The following PDE8B variants were observed in gnomAD, a reference collection of about 807,000 sequenced individuals.
The protein encoded by PDE8B is high affinity cAMP-specific and IBMX-insensitive 3',5'-cyclic phosphodiesterase 8B.
Under a neutral mutation model 101.3 loss-of-function variants are expected in PDE8B, and 26 were observed. The ratio of observed to expected loss-of-function variants is 0.26; its 90% CI spans 0.19 to 0.36. The LOEUF (loss-of-function observed/expected upper bound fraction) is 0.36, where lower values mean the gene tolerates loss of function less well. PDE8B is among the 10% of genes least tolerant of loss of function. The probability of loss-of-function intolerance (pLI) is 1.00; values close to 1 mark genes in which losing one functional copy is unlikely to be tolerated. For synonymous variants in PDE8B, 424 were observed against 429.3 expected (o/e 0.99, Z 0.15); for missense variants, 810 against 1,163.1 (o/e 0.70, Z 4.42).
the PDE8B span, among the ~76,000 whole-genome samples, chr5:77,164,408 G>C: frequency 6.6e-6 from 1 of 152,282 alleles, no homozygotes; most frequent in African/African-American, 2.4e-5. Flanking sequence ...TTCTTTTAAG[G>C]ATGATACCTT....
At chr5:77,342,263 G>C (rs1457742898) in intron 6 of PDE8B, among the ~76,000 whole-genome samples, 1 of 152,092 alleles carries the variant, frequency 6.6e-6, no homozygotes, top group Non-Finnish European at 1.5e-5. Context: ...CAAGCACTTC[G>C]AGAAATGCCT....
At chr5:77,151,654 A>T in the PDE8B span, among the ~76,000 whole-genome samples, 1 of 152,202 alleles carries the variant, frequency 6.6e-6, no homozygotes, top group South Asian at 2.1e-4. Flanking sequence ...AACACAAGGC[A>T]TGGAGAGGTT....
At chr5:77,325,467 C>A in intron 2 of PDE8B, 72 bp from the exon 3 acceptor site, 2 of 1,381,694 alleles carry the variant, frequency 1.4e-6, no homozygotes, top group Non-Finnish European at 2.1e-6. Context: ...CTGCGCCTGG[C>A]CACTAGGCTT....
intron 1 of PDE8B, among the ~76,000 whole-genome samples, chr5:77,252,320 A>G (rs1758230253): frequency 6.6e-6 from 1 of 152,214 alleles, no homozygotes; most frequent in Non-Finnish European, 1.5e-5. Flanking sequence ...TGAATCTGTT[A>G]AAATAAGAAG....
intron 12 of PDE8B, 110 bp from the exon 13 acceptor site, chr5:77,407,271 G>A: frequency 1.2e-6 from 1 of 816,316 alleles, no homozygotes; most frequent in Admixed American, 1.7e-5. Context: ...TTTTTAGGTG[G>A]GAGGGTGGCC....
At chr5:77,267,757 G>A (rs558271414) in intron 1 of PDE8B, among the ~76,000 whole-genome samples, 1 of 152,300 alleles carries the variant, frequency 6.6e-6, no homozygotes, top group East Asian at 1.9e-4. Context: ...CAGACAATGG[G>A]TAGTAATTAA....
chr5:77,240,122 G>C (rs1755451676), intron 1 of PDE8B, among the ~76,000 whole-genome samples: 1 of 151,058 alleles, frequency 6.6e-6, no homozygotes, highest in Admixed American at 6.6e-5. Context: ...TCATTCAATT[G>C]AGAGTTTTTT....
At chr5:77,378,049 C>CACACACACACACACACA (rs1554093056) in intron 10 of PDE8B, among the ~76,000 whole-genome samples, 2 of 148,364 alleles carry the variant, frequency 1.3e-5, no homozygotes, top group Admixed American at 6.7e-5. Flanking sequence ...CACACACACA[C>CACACACACACACACACA]CCCCTGTTGG....
chr5:77,333,781 C>A (rs1246334595), intron 5 of PDE8B, among the ~76,000 whole-genome samples: 2 of 152,260 alleles, frequency 1.3e-5, no homozygotes, highest in East Asian at 3.8e-4. Flanking sequence ...TTCCTTCTTA[C>A]ACATTTTACA....
chr5:77,412,298 T>C, intron 16 of PDE8B, 63 bp downstream of exon 16: 1 of 1,573,366 alleles, frequency 6.4e-7, no homozygotes, highest in Non-Finnish European at 8.7e-7. Flanking sequence ...CTCTCACATT[T>C]GGAAACTTTG....
At chr5:77,223,360 A>C in intron 1 of PDE8B, among the ~76,000 whole-genome samples, 1 of 144,830 alleles carries the variant, frequency 6.9e-6, no homozygotes, top group East Asian at 2.2e-4. Flanking sequence ...CATTAGGTAT[A>C]TCTCCTAATG....
chr5:77,367,759 G>T (rs560476063), intron 10 of PDE8B, among the ~76,000 whole-genome samples: 3 of 152,158 alleles, frequency 2.0e-5, no homozygotes, highest in Admixed American at 6.5e-5. Context: ...TCAATCTCCT[G>T]ACCTCATGAT....
intron 10 of PDE8B, among the ~76,000 whole-genome samples, chr5:77,395,496 C>G (rs1790855375): frequency 6.6e-6 from 1 of 150,646 alleles, no homozygotes; most frequent in Non-Finnish European, 1.5e-5. Flanking sequence ...TAGTTTCAAC[C>G]CTTTCAATTT....
chr5:77,329,849 G>A (rs1012126677), intron 4 of PDE8B, among the ~76,000 whole-genome samples: 1 of 152,064 alleles, frequency 6.6e-6, no homozygotes, highest in Non-Finnish European at 1.5e-5. Flanking sequence ...TGCGACAAAG[G>A]CCAGGAAAGT....
the PDE8B span, among the ~76,000 whole-genome samples, chr5:77,183,698 T>C: frequency 2.6e-5 from 4 of 152,330 alleles, no homozygotes; most frequent in African/African-American, 9.6e-5. Flanking sequence ...TCTGGGTGTC[T>C]TTTCATGTCA....
At chr5:77,410,085 T>C (rs1443101363) in intron 14 of PDE8B, among the ~76,000 whole-genome samples, 1 of 152,216 alleles carries the variant, frequency 6.6e-6, no homozygotes, top group East Asian at 1.9e-4. Flanking sequence ...GACAGGCAAG[T>C]CCCCAAACTG....
At chr5:77,273,313 C>T (rs1244401066) in intron 1 of PDE8B, among the ~76,000 whole-genome samples, 1 of 152,162 alleles carries the variant, frequency 6.6e-6, no homozygotes, top group Non-Finnish European at 1.5e-5. Flanking sequence ...TATTTCAAAT[C>T]AATTTCTTGA....
the PDE8B span, among the ~76,000 whole-genome samples, chr5:77,119,812 C>A: frequency 2.0e-5 from 3 of 151,938 alleles, no homozygotes; most frequent in Non-Finnish European, 2.9e-5. Flanking sequence ...GAGTTCGAGA[C>A]CAGCCTGGGG....
chr5:77,414,446 A>G (rs749619181), intron 17 of PDE8B, among the ~76,000 whole-genome samples: 3 of 151,932 alleles, frequency 2.0e-5, no homozygotes, highest in Non-Finnish European at 4.4e-5. Flanking sequence ...TTTGAGATGG[A>G]GTCTTGCACT....
Sources: allele counts gnomAD v4.1 joint callset (sites outside exome capture counted in the v4.1 genomes callset), GRCh38; gene constraint gnomAD v4.1.1; transcripts MANE v1.5; gene names NCBI Gene and HGNC (gene_info 2026-07-23, HGNC 2026-07-21).